Variants in HPSE2 observed in about 807,000 individuals in gnomAD.
The protein encoded by HPSE2 is inactive heparanase-2.
Under a neutral mutation model 60.5 loss-of-function variants are expected in HPSE2, and 38 were observed. That is an observed-to-expected ratio of 0.63 (90% CI 0.48 to 0.82). The LOEUF (loss-of-function observed/expected upper bound fraction) is 0.82. Among genes scored for constraint, HPSE2 ranks in the 40% least tolerant of loss-of-function variants. The probability of loss-of-function intolerance (pLI) is 0.00; values close to 1 mark genes in which losing one functional copy is unlikely to be tolerated. For synonymous variants in HPSE2, 295 were observed against 293.2 expected (o/e 1.01, Z -0.06); for missense variants, 713 against 740.4 (o/e 0.96, Z 0.43).
chr10:98,753,167 T>C (rs989940759), intron 3 of HPSE2, among the ~76,000 whole-genome samples: 3 of 152,196 alleles, frequency 2.0e-5, no homozygotes, highest in Admixed American at 1.3e-4. Flanking sequence ...TGATACATTG[T>C]ATTCTGTAAA....
chr10:98,908,584 G>A (rs1442008117), intron 3 of HPSE2, among the ~76,000 whole-genome samples: 4 of 146,752 alleles, frequency 2.7e-5, no homozygotes, highest in African/African-American at 9.9e-5. Context: ...TTGGGAGGCT[G>A]ATGCAGGAGA....
chr10:98,963,330 C>T (rs756521316), intron 3 of HPSE2, among the ~76,000 whole-genome samples: 2 of 152,120 alleles, frequency 1.3e-5, no homozygotes, highest in Non-Finnish European at 2.9e-5. Context: ...TTAATAAACT[C>T]TAATTCCCAC....
chr10:98,871,156 C>T (rs1952721895), intron 3 of HPSE2, among the ~76,000 whole-genome samples: 1 of 152,016 alleles, frequency 6.6e-6, no homozygotes, highest in Non-Finnish European at 1.5e-5. Context: ...TCGAGTATTC[C>T]TTTATGGCAA....
intron 9 of HPSE2, among the ~76,000 whole-genome samples, chr10:98,598,076 C>A (rs1024157711): frequency 6.6e-6 from 1 of 150,698 alleles, no homozygotes; most frequent in African/African-American, 2.4e-5. Flanking sequence ...CTTTTTTCCA[C>A]CTCTGACAGT....
chr10:99,247,182 C>T, the HPSE2 span, among the ~76,000 whole-genome samples: 4 of 152,200 alleles, frequency 2.6e-5, no homozygotes, highest in Non-Finnish European at 4.4e-5. Flanking sequence ...ACAGTTAAGA[C>T]TCACAAAGAT....
At chr10:99,161,216 G>GT (rs1846828756) in intron 2 of HPSE2, among the ~76,000 whole-genome samples, 1 of 141,928 alleles carries the variant, frequency 7.0e-6, no homozygotes, top group Non-Finnish European at 1.5e-5. Context: ...GTGAGACTCT[G>GT]TTAAAAAAAA....
At chr10:98,487,652 G>T (rs558935357) in intron 10 of HPSE2, among the ~76,000 whole-genome samples, 7 of 152,298 alleles carry the variant, frequency 4.6e-5, no homozygotes, top group African/African-American at 1.4e-4. Context: ...ACTTTCTCTG[G>T]ATGATTCTAC....
chr10:99,287,011 C>T, the HPSE2 span, among the ~76,000 whole-genome samples: 47 of 152,194 alleles, frequency 3.1e-4, no homozygotes, highest in Non-Finnish European at 3.1e-4. Flanking sequence ...ACTTGGGGAT[C>T]GCTAAATACC....
chr10:98,587,443 A>G (rs1049135709), intron 9 of HPSE2, among the ~76,000 whole-genome samples: 16 of 152,254 alleles, frequency 1.1e-4, no homozygotes, highest in African/African-American at 3.9e-4. Flanking sequence ...AGCCTCATAC[A>G]TGCTGAAAAG....
intron 3 of HPSE2, among the ~76,000 whole-genome samples, chr10:99,021,858 C>T (rs1455518894): frequency 1.3e-5 from 2 of 151,082 alleles, no homozygotes; most frequent in Non-Finnish European, 2.9e-5. Context: ...TTCATGAGAA[C>T]CAAAAATCAG....
chr10:98,919,236 G>A (rs909755167), intron 3 of HPSE2, among the ~76,000 whole-genome samples: 5 of 152,186 alleles, frequency 3.3e-5, no homozygotes, highest in African/African-American at 1.2e-4. Flanking sequence ...CACATAAGCA[G>A]ATAATATGCA....
intron 3 of HPSE2, among the ~76,000 whole-genome samples, chr10:98,825,276 G>A (rs10748754): frequency 0.038 from 5,746 of 152,196 alleles, 232 homozygotes; most frequent in East Asian, 0.17. Flanking sequence ...GTATTACTAT[G>A]ATGAAAGAAA....
At chr10:99,079,059 A>AT (rs917350105) in intron 3 of HPSE2, among the ~76,000 whole-genome samples, 13 of 151,990 alleles carry the variant, frequency 8.6e-5, no homozygotes, top group African/African-American at 3.1e-4. Flanking sequence ...GGGATGCAGG[A>AT]TTTTTTGCCC....
At chr10:98,833,557 T>C (rs1462278748) in intron 3 of HPSE2, among the ~76,000 whole-genome samples, 1 of 152,220 alleles carries the variant, frequency 6.6e-6, no homozygotes, top group Admixed American at 6.5e-5. Flanking sequence ...CTACACTAGT[T>C]CATTTAATAC....
chr10:98,664,642 G>T (rs1947314290), intron 6 of HPSE2, among the ~76,000 whole-genome samples: 1 of 152,166 alleles, frequency 6.6e-6, no homozygotes, highest in Admixed American at 6.5e-5. Context: ...TCGCTCTCAG[G>T]CGCCATCTAC....
In HPSE2 at chr10:98,459,180, GGCA is replaced by G. The variant is rs1564892961; in HGVS notation, c.*391_*393del. 246 of 263,694 alleles carry G rather than the reference GGCA, an allele frequency of 9.3e-4. No homozygotes were observed. The highest frequency in any genetic ancestry group is 2.8e-3 in the Middle Eastern group (2 of 712). The allele number at this position is 263,694 out of a possible 1,614,324, so 16.3% of individuals were successfully genotyped here. A position where few individuals can be genotyped will look rare whatever the true frequency, so the allele number is the denominator to read the frequency against. On this transcript the variant is annotated 3_prime_UTR_variant, in exon 12 of 12. Transcript: ENST00000370552. The stretch of plus-strand genomic sequence containing the variant: ...TTTTCCTTCCTCATCTTCCTCTGAG[GGCA>G]GCAGCAGCAGCAGGCTAAGGTTTGG...
At chr10:98,485,453 T>C (rs994761231) in intron 10 of HPSE2, among the ~76,000 whole-genome samples, 1 of 152,232 alleles carries the variant, frequency 6.6e-6, no homozygotes, top group African/African-American at 2.4e-5. Context: ...TTCCTCCTCC[T>C]CCGGTCCTTC....
chr10:98,668,816 G>T (rs1170920943), intron 6 of HPSE2, among the ~76,000 whole-genome samples: 1 of 152,098 alleles, frequency 6.6e-6, no homozygotes, highest in Non-Finnish European at 1.5e-5. Context: ...GAAAATGTAG[G>T]AAATACCCTT....
chr10:98,474,320 G>A (rs548431180), intron 11 of HPSE2, among the ~76,000 whole-genome samples: 2 of 152,356 alleles, frequency 1.3e-5, no homozygotes, highest in Admixed American at 1.3e-4. Context: ...GGTATCATTA[G>A]TGAGAGATTG....
Sources: gnomAD v4.1 joint callset for allele counts (sites outside exome capture counted in the v4.1 genomes callset) on GRCh38, gnomAD v4.1.1 for gene constraint, MANE v1.5 for transcripts, NCBI Gene and HGNC (gene_info 2026-07-23, HGNC 2026-07-21) for gene names.